MCF2L: variants seen among roughly 807,000 people sequenced by gnomAD.
The protein encoded by MCF2L is MCF.2 cell line derived transforming sequence like, also known as guanine nucleotide exchange factor DBS.
In MCF2L, 97 loss-of-function variants were observed where a neutral mutation model predicts 153.4. The ratio of observed to expected loss-of-function variants is 0.63; its 90% confidence interval spans 0.54 to 0.75. The LOEUF (loss-of-function observed/expected upper bound fraction) is 0.75, where lower values mean the gene tolerates loss of function less well. Among genes scored for constraint, MCF2L ranks in the 30% least tolerant of loss-of-function variants. The pLI is 0.00. For synonymous variants in MCF2L, 659 were observed against 632.2 expected (o/e 1.04, Z -0.64); for missense variants, 1,347 against 1,495.2 (o/e 0.90, Z 1.64).
chr13:113,004,803 G>C (rs1018259825), intron 1 of MCF2L, among the ~76,000 whole-genome samples: 2 of 152,254 alleles, frequency 1.3e-5, no homozygotes, highest in African/African-American at 4.8e-5. Flanking sequence ...CGTGTGTTCA[G>C]ATGCTGCCTG....
At chr13:112,931,229 G>A (rs1215898732) in intron 2 of MCF2L, among the ~76,000 whole-genome samples, 1 of 152,206 alleles carries the variant, frequency 6.6e-6, no homozygotes, top group African/African-American at 2.4e-5. Flanking sequence ...ACCGCCTCAC[G>A]GAAGAAGAGG....
chr13:113,044,847 G>C (rs562236964), intron 3 of MCF2L: 3 of 1,612,798 alleles, frequency 1.9e-6, no homozygotes, highest in Non-Finnish European at 2.5e-6. Flanking sequence ...AATCCTTAAC[G>C]TGGACCAGCA....
intron 4 of MCF2L, among the ~76,000 whole-genome samples, chr13:113,050,017 CA>C (rs1304818397): frequency 6.7e-6 from 1 of 148,650 alleles, no homozygotes; most frequent in Non-Finnish European, 1.5e-5. Flanking sequence ...GCTACCCACC[CA>C]GGGGGCAGAA....
At chr13:113,015,421 C>G (rs1224910200) in intron 2 of MCF2L, among the ~76,000 whole-genome samples, 4 of 152,114 alleles carry the variant, frequency 2.6e-5, no homozygotes, top group African/African-American at 9.7e-5. Context: ...ACATGCATGC[C>G]CACCCTGGGC....
chr13:112,978,371 G>A (rs900220365), intron 1 of MCF2L, among the ~76,000 whole-genome samples: 2 of 152,242 alleles, frequency 1.3e-5, no homozygotes, highest in East Asian at 1.9e-4. Context: ...GCAGGTGGGT[G>A]TGGAAGGCAG....
chr13:112,989,387 G>T (rs1368590663), intron 1 of MCF2L, among the ~76,000 whole-genome samples: 1 of 116,598 alleles, frequency 8.6e-6, no homozygotes, highest in South Asian at 3.2e-4. Flanking sequence ...CCTGAGCAGG[G>T]GATGGAGCTA....
intron 2 of MCF2L, chr13:112,956,445 T>C (rs1421378847): frequency 6.6e-6 from 1 of 152,244 alleles, no homozygotes; most frequent in Non-Finnish European, 1.5e-5. Flanking sequence ...CCTCACTGTT[T>C]AAAGAGATCC....
At chr13:113,000,824 C>T (rs755488859) in intron 1 of MCF2L, among the ~76,000 whole-genome samples, 13 of 152,192 alleles carry the variant, frequency 8.5e-5, no homozygotes, top group African/African-American at 1.7e-4. Flanking sequence ...CGGAAGAGGC[C>T]GGGGCCAGCA....
intron 8 of MCF2L, among the ~76,000 whole-genome samples, chr13:113,066,708 C>G (rs572805431): frequency 1.8e-4 from 25 of 141,174 alleles, no homozygotes; most frequent in Middle Eastern, 3.5e-3. Context: ...CCCCCGAGAA[C>G]TCCCCGAGCC....
chr13:112,963,511 G>A (rs1406767919), intron 2 of MCF2L, among the ~76,000 whole-genome samples: 1 of 152,160 alleles, frequency 6.6e-6, no homozygotes, highest in East Asian at 1.9e-4. Context: ...GTCAGCAAGG[G>A]CCCTCAGGGG....
chr13:112,986,245 G>A (rs143856914), intron 1 of MCF2L, among the ~76,000 whole-genome samples: 10 of 152,360 alleles, frequency 6.6e-5, no homozygotes, highest in Middle Eastern at 3.4e-3. Flanking sequence ...GCCATGTGGC[G>A]CTTTCCCGGG....
chr13:113,001,920 C>T (rs1201657364), intron 1 of MCF2L: 6 of 1,593,070 alleles, frequency 3.8e-6, no homozygotes, highest in African/African-American at 2.7e-5. Flanking sequence ...CATGACGGTG[C>T]GCCGGCTGTC....
At chr13:113,026,920 G>A in intron 3 of MCF2L, 1 of 770,844 alleles carries the variant, frequency 1.3e-6, no homozygotes, top group Non-Finnish European at 2.4e-6. Flanking sequence ...TGACTTGGGA[G>A]GGGTGCCGCG....
chr13:112,944,905 G>GC (rs1292194416), intron 2 of MCF2L, among the ~76,000 whole-genome samples: 1 of 152,132 alleles, frequency 6.6e-6, no homozygotes. Context: ...ACCACCGTGG[G>GC]CCCAGTGTTC....
chr13:113,046,483 C>A lies in MCF2L; in HGVS notation c.369+1122C>A, dbSNP rs141177485. The A allele has an allele frequency of 1.7e-3, 860 of 519,766 alleles. 6 individuals carry two copies. Among genetic ancestry groups the A allele is most frequent in the African/African-American group, 0.015 (792 of 51,126 alleles). 32.2% of individuals were successfully genotyped at this position (519,766 alleles called of 1,614,324 possible). A position where few individuals can be genotyped will look rare whatever the true frequency, so the allele number is the denominator to read the frequency against. On this transcript the variant is annotated intron_variant, in intron 4 of 29. Transcript: ENST00000535094. This position sits in a 1 kb window ranked among gnomAD's most constrained non-coding sequence, Gnocchi z 4.4. ...TTTCCTGGGTCCCGCGTTCAGACTACCTTTGGGTTCCCCAGCCTCTCGGTG... is the reference window on the plus strand; with the variant it reads ...TTTCCTGGGTCCCGCGTTCAGACTAACTTTGGGTTCCCCAGCCTCTCGGTG...
intron 1 of MCF2L, among the ~76,000 whole-genome samples, chr13:112,986,534 GT>G (rs2082649406): frequency 6.6e-6 from 1 of 152,256 alleles, no homozygotes; most frequent in Non-Finnish European, 1.5e-5. Flanking sequence ...GCACAGGGGT[GT>G]TTAAGACAGT....
chr13:112,908,438 A>G (rs2081194427), intron 2 of MCF2L, among the ~76,000 whole-genome samples: 2 of 152,202 alleles, frequency 1.3e-5, no homozygotes, highest in African/African-American at 4.8e-5. Flanking sequence ...GCTGCTGGAG[A>G]GACTCCTCAG....
Position 112,913,753 on chromosome 13 carries a change from T to C in MCF2L, c.169+11382T>C, listed in dbSNP as rs1594315435. On this transcript the variant is annotated intron_variant, in intron 2 of 29. Coordinates refer to the MCF2L transcript ENST00000375608. Reference sequence around the variant, plus strand: ...CTGGGGAAGGATTCAGCCCAACAAATAGATTCGTTGACGTCCTCTCAACGA... The same window carrying C: ...CTGGGGAAGGATTCAGCCCAACAAACAGATTCGTTGACGTCCTCTCAACGA... Among the ~76,000 whole-genome samples, 8 of 152,212 alleles carry C rather than the reference T, an allele frequency of 5.3e-5. 2 individuals are homozygous for C. Among genetic ancestry groups the C allele is most frequent in the Admixed American group, 5.2e-4 (8 of 15,302 alleles).
chr13:112,922,923 AG>A (rs1398846772), intron 2 of MCF2L, among the ~76,000 whole-genome samples: 1 of 152,266 alleles, frequency 6.6e-6, no homozygotes, highest in East Asian at 1.9e-4. Context: ...ATTAATGCAT[AG>A]AGAGAAATCA....
Sources: gnomAD v4.1 joint callset for allele counts (sites outside exome capture counted in the v4.1 genomes callset) on GRCh38, gnomAD v4.1.1 for gene constraint, Gnocchi (gnomAD v3.1) non-coding constraint, MANE v1.5 for transcripts, NCBI Gene and HGNC (gene_info 2026-07-23, HGNC 2026-07-21) for gene names.